The following ETV1 variants were observed in gnomAD, a reference collection of about 807,000 sequenced individuals.
ETV1 encodes ETS translocation variant 1.
Under a neutral mutation model 62.3 loss-of-function variants are expected in ETV1, and 27 were observed. That is an observed-to-expected ratio of 0.43 (90% confidence interval 0.32 to 0.60). ETV1 has a LOEUF of 0.60. Among genes scored for constraint, ETV1 ranks in the 20% least tolerant of loss-of-function variants. The pLI, the probability that ETV1 is intolerant of heterozygous loss-of-function variation, is 0.06. For synonymous variants in ETV1, 222 were observed against 199.6 expected, an observed-to-expected ratio of 1.11 and a Z score of -0.94; for missense variants, 605 against 605.8, an observed-to-expected ratio of 1.00 and a Z score of 0.01.
At chr7:13,966,654 A>AAAAC (rs938399340) in intron 6 of ETV1, among the ~76,000 whole-genome samples, 6 of 152,206 alleles carry the variant, frequency 3.9e-5, no homozygotes, top group Non-Finnish European at 7.4e-5. Context: ...CTCAAAAACA[A>AAAAC]AAACAAACAA....
intron 9 of ETV1, among the ~76,000 whole-genome samples, chr7:13,919,061 C>G (rs1784528063): frequency 6.6e-6 from 1 of 151,940 alleles, no homozygotes; most frequent in South Asian, 2.1e-4. Flanking sequence ...AGTATCTAGT[C>G]AAAATAAAAT....
chr7:13,896,242 A>G (rs921228241), intron 13 of ETV1, among the ~76,000 whole-genome samples, 155 bp from the exon 14 acceptor site: 9 of 152,118 alleles, frequency 5.9e-5, no homozygotes, highest in Non-Finnish European at 1.2e-4. Context: ...CACATAAAAA[A>G]AAAAAAGTCT....
chr7:13,938,873 A>G (rs1562648262), intron 7 of ETV1, among the ~76,000 whole-genome samples: 1 of 152,206 alleles, frequency 6.6e-6, no homozygotes, highest in Non-Finnish European at 1.5e-5. Flanking sequence ...TTCAAACCCA[A>G]GATGCATCAC....
chr7:13,928,432 T>C (rs1250482731), intron 9 of ETV1, among the ~76,000 whole-genome samples: 1 of 151,416 alleles, frequency 6.6e-6, no homozygotes, highest in East Asian at 2.0e-4. Context: ...CTGACCAACA[T>C]GGAGAAATCC....
chr7:13,956,189 C>T (rs1159707199), intron 6 of ETV1, among the ~76,000 whole-genome samples: 2 of 152,158 alleles, frequency 1.3e-5, no homozygotes, highest in Admixed American at 1.3e-4. Context: ...ATTACATACA[C>T]TTGTAACCTA....
chr7:13,930,341 A>C (rs546470912), intron 9 of ETV1, among the ~76,000 whole-genome samples: 2 of 152,174 alleles, frequency 1.3e-5, no homozygotes, highest in Non-Finnish European at 2.9e-5. Flanking sequence ...TTTTTTTTTG[A>C]GACGGAGTCT....
intron 6 of ETV1, among the ~76,000 whole-genome samples, chr7:13,941,016 AGTGT>A (rs143662053): frequency 6.6e-6 from 1 of 152,014 alleles, no homozygotes; most frequent in African/African-American, 2.4e-5. Context: ...TTTTTAATGT[AGTGT>A]GTGTGTGTAC....
intron 6 of ETV1, among the ~76,000 whole-genome samples, chr7:13,952,965 A>C (rs2128473981): frequency 6.6e-6 from 1 of 152,306 alleles, no homozygotes; most frequent in African/African-American, 2.4e-5. Context: ...CTGGGAGGAA[A>C]CTGGTTCTTC....
intron 5 of ETV1, among the ~76,000 whole-genome samples, chr7:13,985,063 A>T (rs1420415576): frequency 2.0e-5 from 3 of 152,064 alleles, no homozygotes; most frequent in East Asian, 1.9e-4. Context: ...AATCAATGAG[A>T]TTTAAACATC....
chr7:13,987,949 C>G (rs1782698410), intron 4 of ETV1, 137 bp downstream of exon 4: 1 of 603,894 alleles, frequency 1.7e-6, no homozygotes. Flanking sequence ...GTAAATCGTT[C>G]CAAGTTAAAG....
intron 9 of ETV1, among the ~76,000 whole-genome samples, chr7:13,914,173 C>T (rs1340765479): frequency 6.6e-6 from 1 of 152,098 alleles, no homozygotes; most frequent in Admixed American, 6.5e-5. Flanking sequence ...GCATGAGTCA[C>T]CGCGCCCGGC....
chr7:13,961,531 C>T (rs564809315), intron 6 of ETV1, among the ~76,000 whole-genome samples: 12 of 152,072 alleles, frequency 7.9e-5, no homozygotes, highest in East Asian at 1.9e-4. Context: ...TCAGGCTGAG[C>T]GAACACTATA....
chr7:13,969,190 A>G (rs1418776423), intron 6 of ETV1, among the ~76,000 whole-genome samples: 1 of 152,180 alleles, frequency 6.6e-6, no homozygotes, highest in African/African-American at 2.4e-5. Context: ...CTAAACTAGA[A>G]TTGGTTCCAG....
At chr7:13,947,275 G>T (rs954421391) in intron 6 of ETV1, among the ~76,000 whole-genome samples, 2 of 151,482 alleles carry the variant, frequency 1.3e-5, no homozygotes, top group Non-Finnish European at 2.9e-5. Context: ...GATGATGGAT[G>T]ATGTCTTGTA....
At position 13,907,978 on chromosome 7, in the gene ETV1, C is replaced by T. The variant is rs1253384089; in HGVS notation, c.941-1379G>A. 7 of 348,238 alleles carry T rather than the reference C, an allele frequency of 2.0e-5. No homozygotes were observed. The East Asian group carries it at 5.3e-4, about 26-fold the overall frequency. The allele number at this position is 348,238 out of a possible 1,614,324, so 21.6% of individuals were successfully genotyped here. A position where few individuals can be genotyped will look rare whatever the true frequency, so the allele number is the denominator to read the frequency against. On this transcript the variant is annotated intron_variant, in intron 11 of 13. Transcript: ENST00000430479. ...ATTTCAATGACAGTTTTATTTATCTCAGTTTTTCCTTCTGAGATTTACAAT... is the reference window on the plus strand; with the variant it reads ...ATTTCAATGACAGTTTTATTTATCTTAGTTTTTCCTTCTGAGATTTACAAT...
chr7:13,984,378 G>C (rs181520423), intron 5 of ETV1, among the ~76,000 whole-genome samples: 185 of 151,956 alleles, frequency 1.2e-3, no homozygotes, highest in African/African-American at 4.0e-3. Flanking sequence ...AATAAACTAG[G>C]GTAATTTGGG....
At chr7:13,951,163 T>G (rs192752138) in intron 6 of ETV1, among the ~76,000 whole-genome samples, 1 of 152,064 alleles carries the variant, frequency 6.6e-6, no homozygotes, top group Non-Finnish European at 1.5e-5. Context: ...AATCATCATA[T>G]GTACAAGTAA....
chr7:13,933,881 G>A lies in ETV1; in HGVS notation c.554+1827C>T, dbSNP rs1226854211. Among the ~76,000 whole-genome samples, 3 of 152,126 alleles carry A rather than the reference G, an allele frequency of 2.0e-5. 1 individual carries two copies. In the East Asian group the frequency reaches 5.8e-4, roughly 29 times the overall value. On this transcript the variant is annotated intron_variant, in intron 8 of 13. Coordinates refer to ENST00000430479, the MANE Select transcript of ETV1 (RefSeq NM_004956.5). Reference sequence around the variant, plus strand: ...AAGTAGAGAAACTAAAATGAATTTGGCTAAAGCATTTCAAGTTAGGTCACC... The same window carrying A: ...AAGTAGAGAAACTAAAATGAATTTGACTAAAGCATTTCAAGTTAGGTCACC...
At chr7:13,955,202 A>G (rs1184504772) in intron 6 of ETV1, among the ~76,000 whole-genome samples, 1 of 152,192 alleles carries the variant, frequency 6.6e-6, no homozygotes, top group East Asian at 1.9e-4. Context: ...CTGATATTTA[A>G]TTCAATGTAT....
Sources: allele counts gnomAD v4.1 joint callset (sites outside exome capture counted in the v4.1 genomes callset), GRCh38; gene constraint gnomAD v4.1.1; transcripts MANE v1.5; gene names NCBI Gene and HGNC (gene_info 2026-07-23, HGNC 2026-07-21).